AKR1C3: variants seen among roughly 807,000 people sequenced by gnomAD.
AKR1C3 encodes 3-alpha hydroxysteroid dehydrogenase, type II.
Under a neutral mutation model 43.6 loss-of-function variants are expected in AKR1C3, and 48 were observed. That is an observed-to-expected ratio of 1.10 (90% confidence interval 0.87 to 1.40). The LOEUF (loss-of-function observed/expected upper bound fraction) is 1.40. Among genes scored for constraint, AKR1C3 ranks in the 40% most tolerant of loss-of-function variants. The pLI, the probability that AKR1C3 is intolerant of heterozygous loss-of-function variation, is 0.00. For missense variants in AKR1C3, 482 were observed against 391.2 expected, an observed-to-expected ratio of 1.23 and a Z score of -1.96; for synonymous variants, 162 against 139.6, an observed-to-expected ratio of 1.16 and a Z score of -1.13.
At position 5,107,609 on chromosome 10, in the gene AKR1C3, T is replaced by A. The variant is rs1054879452; in HGVS notation, c.*106T>A. 5.5e-5 allele frequency: 48 copies of A among 868,214 alleles called. No homozygotes were observed. Among genetic ancestry groups the A allele is most frequent in the Non-Finnish European group, 8.7e-5 (48 of 548,674 alleles). The allele number at this position is 868,214 out of a possible 1,614,324, so 53.8% of individuals were successfully genotyped here. A position where few individuals can be genotyped will look rare whatever the true frequency, so the allele number is the denominator to read the frequency against. On this transcript the variant is annotated 3_prime_UTR_variant, in exon 9 of 9. Transcript: ENST00000380554. ...GACATATCACCTCTACTTAAATCCG[T>A]CCTGTTTAGCGACTTCAGTCAACTA...
intron 5 of AKR1C3, among the ~76,000 whole-genome samples, chr10:5,100,235 G>A (rs909977851): frequency 4.6e-5 from 7 of 152,106 alleles, no homozygotes; most frequent in East Asian, 1.9e-4. Context: ...CAGAGATTGC[G>A]GTGAGCCGAG....
chr10:5,056,827 G>T (rs1838271773), intron 1 of AKR1C3, among the ~76,000 whole-genome samples: 1 of 152,236 alleles, frequency 6.6e-6, no homozygotes, highest in Non-Finnish European at 1.5e-5. Flanking sequence ...CATGTGAAAA[G>T]AGCAAAGTCT....
chr10:5,049,914 A>G lies in AKR1C3; in HGVS notation c.84+1019A>G, dbSNP rs375379569. On this transcript the variant is annotated intron_variant, in intron 1 of 8. Coordinates refer to the AKR1C3 transcript ENST00000439082. ...CCTGTGCCTCTGCTCTCCTGACTCC[A>G]TGGAACTTTCCAGAGCAGTCGACAT... 1.1e-3 allele frequency among the ~76,000 whole-genome samples: 162 copies of G among 152,330 alleles called. 2 individuals are homozygous for G. Among genetic ancestry groups the G allele is most frequent in the African/African-American group, 3.7e-3 (154 of 41,576 alleles).
At chr10:5,075,302 G>C (rs1322613612) in intron 1 of AKR1C3, among the ~76,000 whole-genome samples, 1 of 151,894 alleles carries the variant, frequency 6.6e-6, no homozygotes, top group Non-Finnish European at 1.5e-5. Context: ...TCTGCCTTTT[G>C]TTAGGTGAAT....
chr10:5,106,340 T>C (rs782455477), intron 8 of AKR1C3, among the ~76,000 whole-genome samples: 4 of 152,172 alleles, frequency 2.6e-5, no homozygotes, highest in African/African-American at 4.8e-5. Flanking sequence ...AGTGTGAGTG[T>C]GGAGGCAGAA....
chr10:5,101,359 ATC>A (rs1839344609), intron 5 of AKR1C3, among the ~76,000 whole-genome samples: 2 of 152,116 alleles, frequency 1.3e-5, no homozygotes, highest in African/African-American at 4.8e-5. Context: ...TTTTTAGATA[ATC>A]ATTTTCAATT....
In AKR1C3 at chr10:5,105,634, A is replaced by G. The variant is rs1554787049; in HGVS notation, c.886A>G (p.Ile296Val). The change falls in exon 8 of 9, where the codon ATA (isoleucine) becomes GTA (valine). Residue 296 changes from isoleucine to valine, a missense_variant. Transcript: ENST00000380554. ...FQLTAEDMKA[I>V]DGLDRNLHYF... ...GTTGACTGCAGAGGACATGAAAGCCATAGATGGCCTAGACAGAAATCTCCA... is the reference window on the plus strand; with the variant it reads ...GTTGACTGCAGAGGACATGAAAGCCGTAGATGGCCTAGACAGAAATCTCCA... 3 of 1,614,098 alleles carry G rather than the reference A, an allele frequency of 1.9e-6. No homozygotes were observed. The South Asian group carries it at 3.3e-5, about 18-fold the overall frequency.
At chr10:5,054,687 TTC>T (rs1209437352) in intron 1 of AKR1C3, among the ~76,000 whole-genome samples, 3 of 152,190 alleles carry the variant, frequency 2.0e-5, no homozygotes, top group African/African-American at 7.2e-5. Context: ...CTGTCCCTCT[TTC>T]TCTCTGACTC....
At chr10:5,070,370 G>GTAGA (rs1838593210) in intron 1 of AKR1C3, among the ~76,000 whole-genome samples, 1 of 152,170 alleles carries the variant, frequency 6.6e-6, no homozygotes, top group Non-Finnish European at 1.5e-5. Flanking sequence ...AGCAACAAAA[G>GTAGA]TAGATATTTA....
At chr10:5,107,060 G>A (rs1839522324) in intron 8 of AKR1C3, among the ~76,000 whole-genome samples, 1 of 152,064 alleles carries the variant, frequency 6.6e-6, no homozygotes, top group Non-Finnish European at 1.5e-5. Flanking sequence ...ATGCACTGTA[G>A]CTCCTTGGAT....
At chr10:5,100,663 C>CA (rs1209399050) in intron 5 of AKR1C3, among the ~76,000 whole-genome samples, 5 of 152,228 alleles carry the variant, frequency 3.3e-5, no homozygotes, top group African/African-American at 1.2e-4. Flanking sequence ...AAAGATCTAC[C>CA]ATTGAAATGT....
At chr10:5,079,770 G>A (rs1055216353) in intron 1 of AKR1C3, among the ~76,000 whole-genome samples, 1 of 152,088 alleles carries the variant, frequency 6.6e-6, no homozygotes, top group Non-Finnish European at 1.5e-5. Context: ...AGGATGTGAG[G>A]AAATCTTCAA....
intron 7 of AKR1C3, among the ~76,000 whole-genome samples, chr10:5,103,982 A>G (rs1241891348): frequency 1.3e-5 from 2 of 152,038 alleles, no homozygotes; most frequent in Non-Finnish European, 2.9e-5. Context: ...GATAGATTAC[A>G]CATACATACA....
At chr10:5,096,304 T>G (rs1839205114) in intron 1 of AKR1C3, 106 bp from the exon 2 acceptor site, 10 of 1,387,430 alleles carry the variant, frequency 7.2e-6, no homozygotes, top group Admixed American at 4.8e-5. Context: ...TCACCCCACA[T>G]ACAGACAGGA....
intron 1 of AKR1C3, among the ~76,000 whole-genome samples, chr10:5,072,821 C>T (rs910469460): frequency 8.5e-5 from 13 of 152,140 alleles, no homozygotes; most frequent in Admixed American, 2.6e-4. Flanking sequence ...GACCAGTTAT[C>T]ATTTATCTCA....
At chr10:5,106,530 C>G (rs1223244583) in intron 8 of AKR1C3, among the ~76,000 whole-genome samples, 2 of 151,978 alleles carry the variant, frequency 1.3e-5, no homozygotes, top group African/African-American at 4.8e-5. Flanking sequence ...GTGGGCAGAT[C>G]GACTGAGGTC....
At chr10:5,073,750 A>T (rs1231109909) in intron 1 of AKR1C3, among the ~76,000 whole-genome samples, 2 of 152,210 alleles carry the variant, frequency 1.3e-5, no homozygotes, top group Non-Finnish European at 2.9e-5. Flanking sequence ...TGCTGCTATC[A>T]AGAACATCAC....
In AKR1C3 at chr10:5,084,591, T is replaced by C. The variant is rs572854291; in HGVS notation, c.85-11819T>C. The stretch of plus-strand genomic sequence containing the variant: ...TTTGGGTTCCATATGAACTTTAAAG[T>C]AGTTTTTTCCAATTCTGTGAAGAAA... On this transcript the variant is annotated intron_variant, in intron 1 of 8. Coordinates refer to the AKR1C3 transcript ENST00000439082. 2.8e-3 allele frequency among the ~76,000 whole-genome samples: 426 copies of C among 152,210 alleles called. 2 individuals carry two copies. Among genetic ancestry groups the C allele is most frequent in the South Asian group, 0.014 (65 of 4,814 alleles).
chr10:5,070,635 T>G (rs781825512), intron 1 of AKR1C3, among the ~76,000 whole-genome samples: 1 of 152,220 alleles, frequency 6.6e-6, no homozygotes, highest in Non-Finnish European at 1.5e-5. Flanking sequence ...CAGACCCTAT[T>G]TTTCTGTCTC....
Sources: gnomAD v4.1 joint callset for allele counts (sites outside exome capture counted in the v4.1 genomes callset) on GRCh38, gnomAD v4.1.1 for gene constraint, MANE v1.5 for transcripts, NCBI Gene and HGNC (gene_info 2026-07-23, HGNC 2026-07-21) for gene names.